The following UBR1 variants were observed in gnomAD, a reference collection of about 807,000 sequenced individuals.
UBR1 encodes the protein E3 ubiquitin-protein ligase UBR1.
UBR1 carries 102 observed loss-of-function variants against 242.1 expected under a neutral mutation model. The observed-to-expected ratio is 0.42, with a 90% CI of 0.36 to 0.50. The LOEUF (loss-of-function observed/expected upper bound fraction) is 0.50, where lower values mean the gene tolerates loss of function less well. Ranked by LOEUF, UBR1 falls within the 20% of genes least tolerant of loss-of-function variation. UBR1 has a pLI of 0.01. For synonymous variants in UBR1, 675 were observed against 684.8 expected (o/e 0.99, Z 0.22); for missense variants, 1,772 against 2,101.8 (o/e 0.84, Z 3.07).
intron 40 of UBR1, among the ~76,000 whole-genome samples, chr15:42,969,423 G>C (rs1161605706): frequency 6.6e-6 from 1 of 152,058 alleles, no homozygotes; most frequent in Non-Finnish European, 1.5e-5. Context: ...TTAGCCCTTT[G>C]TCAGATGGAT....
intron 41 of UBR1, 24 bp downstream of exon 41, chr15:42,966,129 C>A: frequency 1.9e-6 from 3 of 1,614,066 alleles, no homozygotes; most frequent in Non-Finnish European, 2.5e-6. Flanking sequence ...ATTTTCCACT[C>A]CATGATTTCA....
chr15:43,070,489 T>C (rs1396883528), intron 5 of UBR1, among the ~76,000 whole-genome samples: 2 of 152,116 alleles, frequency 1.3e-5, no homozygotes, highest in Non-Finnish European at 2.9e-5. Flanking sequence ...GCAGTTTACT[T>C]ACCTAGTGGG....
intron 3 of UBR1, among the ~76,000 whole-genome samples, chr15:43,081,808 A>C (rs943957897): frequency 6.6e-6 from 1 of 152,114 alleles, no homozygotes; most frequent in African/African-American, 2.4e-5. Context: ...TAATCCAGTA[A>C]TTCCACTTCT....
chr15:42,959,081 T>C (rs2031972712), intron 43 of UBR1, among the ~76,000 whole-genome samples: 1 of 152,228 alleles, frequency 6.6e-6, no homozygotes, highest in South Asian at 2.1e-4. Flanking sequence ...TCCGCCCACC[T>C]TGGCCTCCCA....
At chr15:43,079,006 G>C (rs1002678874) in intron 3 of UBR1, among the ~76,000 whole-genome samples, 2 of 152,134 alleles carry the variant, frequency 1.3e-5, no homozygotes, top group Non-Finnish European at 2.9e-5. Flanking sequence ...CAAATGAAAA[G>C]TTAATGAATA....
chr15:43,052,400 G>C lies in UBR1; in HGVS notation c.1439+2342C>G, dbSNP rs370197767. On this transcript the variant is annotated intron_variant, in intron 12 of 46. Transcript: ENST00000290650. ...AAATAAAAGCTACAAAAAAAGACAA[G>C]AGTTCAATATACAATAGGAAACTTT... Among the ~76,000 whole-genome samples the C allele has an allele frequency of 1.1e-3, 172 of 152,260 alleles. 4 individuals carry two copies. In the South Asian group the frequency reaches 0.035, roughly 31 times the overall value.
intron 30 of UBR1, among the ~76,000 whole-genome samples, chr15:43,005,058 T>G (rs2032789781): frequency 6.6e-6 from 1 of 150,376 alleles, no homozygotes; most frequent in African/African-American, 2.5e-5. Flanking sequence ...GGAGCGTCTC[T>G]GCCCGACCGC....
At chr15:42,991,661 T>C (rs2032559443) in intron 33 of UBR1, among the ~76,000 whole-genome samples, 1 of 152,150 alleles carries the variant, frequency 6.6e-6, no homozygotes. Context: ...CCCCCATCTC[T>C]TTTCTGTCTG....
chr15:43,020,527 T>C (rs1411431680), intron 27 of UBR1, among the ~76,000 whole-genome samples: 3 of 152,258 alleles, frequency 2.0e-5, no homozygotes, highest in Non-Finnish European at 4.4e-5. Context: ...TCCTTACTTG[T>C]ATGCCTATCC....
chr15:43,087,298 A>G (rs2034049574), intron 1 of UBR1, among the ~76,000 whole-genome samples: 2 of 152,152 alleles, frequency 1.3e-5, no homozygotes, highest in South Asian at 4.2e-4. Context: ...CCAGCTACTC[A>G]GGAGGTTGAG....
rs1176570285 is a variant in UBR1 at position 42,970,622 on chromosome 15, C to G, written c.4370-15G>C. The G allele has an allele frequency of 6.2e-7, 1 of 1,608,330 alleles. No homozygotes were observed. The highest frequency in any genetic ancestry group is 8.5e-7 in the Non-Finnish European group (1 of 1,175,568). On this transcript the variant is annotated splice_polypyrimidine_tract_variant and intron_variant, in intron 39 of 46. Coordinates refer to ENST00000290650, the MANE Select transcript of UBR1 (RefSeq NM_174916.3). ...AAGGGGTAGGCCTGAAAAAGAAATTCTGCAAGATGAATTATGTATTTGCTA... is the reference window on the plus strand; with the variant it reads ...AAGGGGTAGGCCTGAAAAAGAAATTGTGCAAGATGAATTATGTATTTGCTA...
chr15:43,027,787 C>A lies in UBR1; in HGVS notation c.2421G>T (p.Val807=). 6.2e-7 allele frequency: 1 copy of A among 1,612,644 alleles called. No homozygotes were observed. Among genetic ancestry groups the A allele is most frequent in the African/African-American group, 1.3e-5 (1 of 74,976 alleles). Residue 807 remains valine (V), a synonymous_variant, in exon 22 of 47, where the codon GTG becomes GTT. Coordinates refer to ENST00000290650, the MANE Select transcript of UBR1 (RefSeq NM_174916.3). ...TATTAAGCACTTACTTAAATGTGGC[C>A]ACTTTGTTTATGACATTCTCTAAGC... is the stretch of plus-strand genomic sequence containing the variant. ...ETGLENVINK[V]ATFKKPGVSG...
At chr15:43,057,766 G>T (rs1207691322) in intron 10 of UBR1, among the ~76,000 whole-genome samples, 1 of 152,074 alleles carries the variant, frequency 6.6e-6, no homozygotes, top group Non-Finnish European at 1.5e-5. Context: ...AAATGATTAG[G>T]AAGACTGAAT....
At chr15:43,011,635 T>C (rs1005841078) in intron 29 of UBR1, among the ~76,000 whole-genome samples, 1 of 152,216 alleles carries the variant, frequency 6.6e-6, no homozygotes, top group African/African-American at 2.4e-5. Flanking sequence ...AATAGTTAAG[T>C]ATTAGTGAGA....
chr15:43,100,116 A>T, intron 1 of UBR1, among the ~76,000 whole-genome samples: 1 of 152,030 alleles, frequency 6.6e-6, no homozygotes, highest in East Asian at 1.9e-4. Context: ...ACCTCATAAT[A>T]AACCCACCTC....
chr15:42,967,149 C>T (rs1025784329), intron 40 of UBR1, among the ~76,000 whole-genome samples: 11 of 150,500 alleles, frequency 7.3e-5, no homozygotes, highest in African/African-American at 2.7e-4. Flanking sequence ...AACTCCTGAC[C>T]TCGGGTGATC....
chr15:43,082,733 A>T lies in UBR1; in HGVS notation c.339-17T>A. The T allele has an allele frequency of 6.2e-7, 1 of 1,607,674 alleles. No individual in the cohort carries two copies. The highest frequency in any genetic ancestry group is 1.1e-5 in the South Asian group (1 of 90,956). ...GCACAATCCCTGAAAAAGATCAGAA[A>T]TCAGATTCCAAAATTTAGATGACTC... is the stretch of plus-strand genomic sequence containing the variant. On this transcript the variant is annotated splice_polypyrimidine_tract_variant and intron_variant, in intron 2 of 46. Transcript: ENST00000290650.
Position 43,029,829 on chromosome 15 carries a change from T to A in UBR1, c.2379+115A>T, listed in dbSNP as rs1465719079. ...GATGAAGGTGATTGGTTTACATCTA[T>A]AAGGTAATGATATAGGACTTTTTGC... On this transcript the variant is annotated intron_variant, in intron 21 of 46. Coordinates refer to ENST00000290650, the MANE Select transcript of UBR1 (RefSeq NM_174916.3). The A allele has an allele frequency of 3.4e-6, 4 of 1,183,928 alleles. No individual in the cohort carries two copies. In the African/African-American group the frequency reaches 4.5e-5, roughly 13 times the overall value. 73.3% of individuals were successfully genotyped at this position (1,183,928 alleles called of 1,614,324 possible).
intron 15 of UBR1, among the ~76,000 whole-genome samples, chr15:43,038,683 T>C (rs912226763): frequency 6.6e-6 from 1 of 152,202 alleles, no homozygotes; most frequent in Non-Finnish European, 1.5e-5. Flanking sequence ...TGATTTCTAA[T>C]TTTGAAATAC....
Sources: allele counts gnomAD v4.1 joint callset (sites outside exome capture counted in the v4.1 genomes callset), GRCh38; gene constraint gnomAD v4.1.1; transcripts MANE v1.5; gene names NCBI Gene and HGNC (gene_info 2026-07-23, HGNC 2026-07-21).